NLGN1: variants seen among roughly 807,000 people sequenced by gnomAD.
NLGN1 encodes neuroligin-1.
A neutral mutation model predicts 65.5 loss-of-function variants in NLGN1; 12 were observed. That is an observed-to-expected ratio of 0.18 (90% CI 0.12 to 0.30). The LOEUF is 0.30. Ranked by LOEUF, NLGN1 falls within the 10% of genes least tolerant of loss-of-function variation. The pLI, the probability that NLGN1 is intolerant of heterozygous loss-of-function variation, is 1.00. For missense variants in NLGN1, 750 were observed against 1,007.1 expected, an observed-to-expected ratio of 0.74 and a Z score of 3.46; for synonymous variants, 350 against 359.5, an observed-to-expected ratio of 0.97 and a Z score of 0.30.
intron 3 of NLGN1, among the ~76,000 whole-genome samples, chr3:173,673,330 TG>T (rs541727868): frequency 8.7e-4 from 132 of 152,358 alleles, no homozygotes; most frequent in Middle Eastern, 3.4e-3. Flanking sequence ...GATATGGTTA[TG>T]TCATTCACAA....
At chr3:173,560,819 A>G (rs527387908) in intron 2 of NLGN1, among the ~76,000 whole-genome samples, 2 of 152,316 alleles carry the variant, frequency 1.3e-5, no homozygotes, top group South Asian at 4.1e-4. Context: ...GAGATAGTTC[A>G]GTACTAGAGA....
At chr3:173,557,351 A>T (rs1175524489) in intron 2 of NLGN1, among the ~76,000 whole-genome samples, 1 of 152,050 alleles carries the variant, frequency 6.6e-6, no homozygotes, top group African/African-American at 2.4e-5. Flanking sequence ...TTTATATTTG[A>T]AGTGTGTCTC....
At chr3:173,823,728 A>T (rs1437315134) in intron 4 of NLGN1, among the ~76,000 whole-genome samples, 1 of 152,080 alleles carries the variant, frequency 6.6e-6, no homozygotes, top group Non-Finnish European at 1.5e-5. Flanking sequence ...ACAGTTCTAC[A>T]TTGTTGTAAA....
At chr3:173,539,652 C>CAT (rs1368065827) in intron 2 of NLGN1, among the ~76,000 whole-genome samples, 11,729 of 101,854 alleles carry the variant, frequency 0.12, 1,030 homozygotes, top group African/African-American at 0.16. Context: ...ACATATATAA[C>CAT]ATATGTGTAT....
intron 3 of NLGN1, among the ~76,000 whole-genome samples, chr3:173,608,747 C>G (rs926025798): frequency 3.3e-5 from 5 of 151,812 alleles, no homozygotes; most frequent in African/African-American, 9.7e-5. Context: ...TCCTCTCTCT[C>G]TTTTTTCCTT....
chr3:173,881,555 G>A (rs1037436785), intron 4 of NLGN1, among the ~76,000 whole-genome samples: 3 of 151,286 alleles, frequency 2.0e-5, no homozygotes, highest in African/African-American at 7.3e-5. Context: ...CTCCCGAGTA[G>A]CTGGGACTAC....
At chr3:174,233,232 A>G (rs569332537) in intron 4 of NLGN1, among the ~76,000 whole-genome samples, 1 of 152,252 alleles carries the variant, frequency 6.6e-6, no homozygotes, top group East Asian at 1.9e-4. Flanking sequence ...CCAGTATCCC[A>G]GCACTTTGGG....
chr3:173,635,618 C>T (rs970700719), intron 3 of NLGN1, among the ~76,000 whole-genome samples: 9 of 152,118 alleles, frequency 5.9e-5, no homozygotes, highest in Non-Finnish European at 7.4e-5. Flanking sequence ...AATGATCACC[C>T]GGCCAGGAAC....
At chr3:173,982,622 A>C (rs1719008978) in intron 4 of NLGN1, among the ~76,000 whole-genome samples, 1 of 152,202 alleles carries the variant, frequency 6.6e-6, no homozygotes, top group Non-Finnish European at 1.5e-5. Flanking sequence ...AATGAAAAGC[A>C]GTGAATGGAT....
intron 4 of NLGN1, among the ~76,000 whole-genome samples, chr3:173,832,126 TAAAA>T (rs35612566): frequency 2.0e-5 from 3 of 147,624 alleles, no homozygotes; most frequent in African/African-American, 7.4e-5. Context: ...CCAGCTAAAT[TAAAA>T]AAAAAAAAAA....
intron 2 of NLGN1, among the ~76,000 whole-genome samples, chr3:173,447,968 C>T (rs768039208): frequency 1.3e-4 from 20 of 152,166 alleles, no homozygotes; most frequent in Non-Finnish European, 1.8e-4. Flanking sequence ...TGGGCTGAGA[C>T]GATGGGGTTT....
At chr3:174,139,449 A>ATT (rs796733481) in intron 4 of NLGN1, among the ~76,000 whole-genome samples, 3 of 147,638 alleles carry the variant, frequency 2.0e-5, no homozygotes, top group African/African-American at 7.4e-5. Context: ...TTGATAGCTT[A>ATT]TTTTTTTTTT....
intron 4 of NLGN1, among the ~76,000 whole-genome samples, chr3:174,107,127 T>C (rs1379243998): frequency 6.6e-6 from 1 of 151,932 alleles, no homozygotes; most frequent in Non-Finnish European, 1.5e-5. Flanking sequence ...AGGTCTTATG[T>C]TGCCTTTACC....
intron 3 of NLGN1, among the ~76,000 whole-genome samples, chr3:173,679,981 C>T (rs1323043154): frequency 1.3e-5 from 2 of 151,884 alleles, no homozygotes; most frequent in Non-Finnish European, 2.9e-5. Flanking sequence ...AAATCTTCTA[C>T]AGAAGAGAAA....
chr3:173,835,098 G>C (rs1428354475), intron 4 of NLGN1, among the ~76,000 whole-genome samples: 1 of 152,126 alleles, frequency 6.6e-6, no homozygotes, highest in Non-Finnish European at 1.5e-5. Flanking sequence ...AATTTGTAGA[G>C]TTTTCCCCTA....
intron 3 of NLGN1, among the ~76,000 whole-genome samples, chr3:173,792,687 A>G (rs577528257): frequency 1.3e-4 from 20 of 152,174 alleles, no homozygotes; most frequent in South Asian, 2.1e-4. Flanking sequence ...TAAAATGTGC[A>G]GATAGTAAGA....
intron 2 of NLGN1, among the ~76,000 whole-genome samples, chr3:173,571,973 T>C (rs1464954145): frequency 2.6e-5 from 4 of 152,206 alleles, no homozygotes; most frequent in Non-Finnish European, 4.4e-5. Context: ...ACTTCCACAT[T>C]GCAGATGAGG....
At chr3:174,077,268 T>C (rs896538056) in intron 4 of NLGN1, among the ~76,000 whole-genome samples, 3 of 152,042 alleles carry the variant, frequency 2.0e-5, no homozygotes, top group Admixed American at 1.3e-4. Flanking sequence ...TTATAGTACT[T>C]AGAAAGTAAT....
chr3:173,566,711 C>G (rs1172579310), intron 2 of NLGN1, among the ~76,000 whole-genome samples: 1 of 152,076 alleles, frequency 6.6e-6, no homozygotes, highest in African/African-American at 2.4e-5. Context: ...CATGTTGACT[C>G]ATACATATTT....
Sources: allele counts gnomAD v4.1 joint callset (sites outside exome capture counted in the v4.1 genomes callset), GRCh38; gene constraint gnomAD v4.1.1; transcripts MANE v1.5; gene names NCBI Gene and HGNC (gene_info 2026-07-23, HGNC 2026-07-21).